Variants in TAS2R1 observed in about 807,000 individuals in gnomAD.
TAS2R1 encodes the protein taste 2 receptor member 1.
For missense variants in TAS2R1, 370 were observed against 353.4 expected (o/e 1.05, Z -0.38); for synonymous variants, 141 against 134.2 (o/e 1.05, Z -0.35).
At chr5:9,876,042 C>G in the TAS2R1 span, among the ~76,000 whole-genome samples, 1 of 152,062 alleles carries the variant, frequency 6.6e-6, no homozygotes, top group Admixed American at 6.5e-5. Context: ...GAAACTTAGG[C>G]CAGGCCTTGC....
At chr5:9,795,720 A>G in the TAS2R1 span, among the ~76,000 whole-genome samples, 20 of 152,274 alleles carry the variant, frequency 1.3e-4, no homozygotes, top group African/African-American at 4.3e-4. Context: ...TGTGCTCTCA[A>G]GAGTTCCCAA....
chr5:9,701,049 T>C (rs115601531), intron 1 of TAS2R1, among the ~76,000 whole-genome samples: 5,479 of 152,204 alleles, frequency 0.036, 302 homozygotes, highest in African/African-American at 0.12. Flanking sequence ...AAAAAAATGA[T>C]GGAGTTGTTC....
the TAS2R1 span, among the ~76,000 whole-genome samples, chr5:9,867,500 T>C: frequency 1.3e-5 from 2 of 152,192 alleles, no homozygotes; most frequent in Non-Finnish European, 2.9e-5. Flanking sequence ...ACTTATTCAC[T>C]GTCACAAGAA....
At chr5:9,733,832 G>A in the TAS2R1 span, among the ~76,000 whole-genome samples, 704 of 144,996 alleles carry the variant, frequency 4.9e-3, 4 homozygotes, top group Non-Finnish European at 7.8e-3. Context: ...CCTCCGAAAA[G>A]AAAAAAAAAA....
At chr5:9,687,688 G>A (rs1334926406) in intron 1 of TAS2R1, among the ~76,000 whole-genome samples, 14 of 152,168 alleles carry the variant, frequency 9.2e-5, no homozygotes, top group Non-Finnish European at 1.5e-5. Flanking sequence ...AACAAACCTG[G>A]ACAGACTTTT....
At chr5:9,753,347 C>G in the TAS2R1 span, among the ~76,000 whole-genome samples, 895 of 152,322 alleles carry the variant, frequency 5.9e-3, 5 homozygotes, top group Non-Finnish European at 9.0e-3. Context: ...TAAATGTCTT[C>G]TTTTGAGAAG....
chr5:9,843,406 C>T, the TAS2R1 span, among the ~76,000 whole-genome samples: 1 of 152,222 alleles, frequency 6.6e-6, no homozygotes, highest in Non-Finnish European at 1.5e-5. Flanking sequence ...ATCTCCTCCA[C>T]CATTACCATT....
intron 2 of TAS2R1, among the ~76,000 whole-genome samples, chr5:9,659,079 G>C (rs929097405): frequency 6.6e-6 from 1 of 152,138 alleles, no homozygotes; most frequent in Non-Finnish European, 1.5e-5. Flanking sequence ...TAATAAATCT[G>C]TCTGTTATTA....
chr5:9,760,180 T>A, the TAS2R1 span, among the ~76,000 whole-genome samples: 2 of 152,206 alleles, frequency 1.3e-5, no homozygotes, highest in African/African-American at 4.8e-5. Flanking sequence ...GCCTGTGTTA[T>A]TAAAGAAATT....
chr5:9,762,443 C>T, the TAS2R1 span, among the ~76,000 whole-genome samples: 6 of 152,232 alleles, frequency 3.9e-5, no homozygotes, highest in Non-Finnish European at 5.9e-5. Flanking sequence ...TTAAGCTTCA[C>T]AGCATTCCAC....
intron 1 of TAS2R1, among the ~76,000 whole-genome samples, chr5:9,666,445 G>C (rs1422693878): frequency 6.6e-6 from 1 of 152,122 alleles, no homozygotes; most frequent in Admixed American, 6.6e-5. Context: ...CTTCATTGAT[G>C]TTCATTATAT....
chr5:9,746,293 T>C, the TAS2R1 span, among the ~76,000 whole-genome samples: 8 of 152,048 alleles, frequency 5.3e-5, no homozygotes, highest in African/African-American at 1.2e-4. Flanking sequence ...TGTGGAGAAA[T>C]AGGAACACTA....
At chr5:9,846,148 C>G in the TAS2R1 span, among the ~76,000 whole-genome samples, 1 of 151,984 alleles carries the variant, frequency 6.6e-6, no homozygotes, top group Non-Finnish European at 1.5e-5. Flanking sequence ...AAGCTATTTC[C>G]GATGAAGGGC....
At chr5:9,830,177 T>TTGGATGGATGGATGGA in the TAS2R1 span, among the ~76,000 whole-genome samples, 1,161 of 132,598 alleles carry the variant, frequency 8.8e-3, 18 homozygotes, top group African/African-American at 0.027. Context: ...AGAGAACAGA[T>TTGGATGGATGGATGGA]TGGATGGATG....
chr5:9,649,806 T>C (rs1420262047), intron 2 of TAS2R1, among the ~76,000 whole-genome samples: 3 of 152,188 alleles, frequency 2.0e-5, no homozygotes, highest in Non-Finnish European at 4.4e-5. Flanking sequence ...AAAGTTAGAT[T>C]CATGACAAAC....
At chr5:9,724,062 G>A in the TAS2R1 span, among the ~76,000 whole-genome samples, 2 of 152,132 alleles carry the variant, frequency 1.3e-5, no homozygotes, top group African/African-American at 4.8e-5. Flanking sequence ...GGGCTTCTTC[G>A]TGAAGACTTA....
chr5:9,851,555 A>G, the TAS2R1 span, among the ~76,000 whole-genome samples: 1 of 152,012 alleles, frequency 6.6e-6, no homozygotes, highest in South Asian at 2.1e-4. Flanking sequence ...CAAACTCTAA[A>G]ATATCCATGA....
intron 2 of TAS2R1, chr5:9,641,342 G>A (rs1740081335): frequency 6.6e-6 from 1 of 152,182 alleles, no homozygotes; most frequent in African/African-American, 2.4e-5. Context: ...TGTAGAATAG[G>A]TCTTTTGATA....
chr5:9,874,149 T>G, the TAS2R1 span, among the ~76,000 whole-genome samples: 5 of 152,210 alleles, frequency 3.3e-5, no homozygotes, highest in Admixed American at 1.3e-4. Flanking sequence ...CATAAAATTT[T>G]ATAATGCATT....
Sources: gnomAD v4.1 joint callset for allele counts (sites outside exome capture counted in the v4.1 genomes callset) on GRCh38, gnomAD v4.1.1 for gene constraint, MANE v1.5 for transcripts, NCBI Gene and HGNC (gene_info 2026-07-23, HGNC 2026-07-21) for gene names.